The following MPND variants were observed in gnomAD, a reference collection of about 807,000 sequenced individuals.
The protein encoded by MPND is MPN domain containing.
Under a neutral mutation model 59.2 loss-of-function variants are expected in MPND, and 56 were observed. The observed-to-expected ratio is 0.95, with a 90% CI of 0.76 to 1.18. MPND has a LOEUF of 1.18. MPND is among the 50% of genes most tolerant of loss of function. MPND has a pLI of 0.00. For synonymous variants in MPND, 323 were observed against 291.9 expected, an observed-to-expected ratio of 1.11 and a Z score of -1.09; for missense variants, 671 against 676.0, an observed-to-expected ratio of 0.99 and a Z score of 0.08.
In MPND at chr19:4,359,813, CAG is replaced by C. The variant is rs540341901; in HGVS notation, c.1420-102_1420-101del. ...GGACCCCAGCCCTGTGCCTCGGTCT[CAG>C]GGGGGCTCAGTCAGGATGCTGGACT... On this transcript the variant is annotated intron_variant, in intron 12 of 12. Transcript: ENST00000599840. 9.7e-4 allele frequency: 879 copies of C among 903,376 alleles called. 2 individuals carry two copies. Among genetic ancestry groups the C allele is most frequent in the African/African-American group, 2.9e-3 (174 of 59,886 alleles). The allele number at this position is 903,376 out of a possible 1,614,324, so 56.0% of individuals were successfully genotyped here.
intron 8 of MPND, 101 bp from the exon 9 acceptor site, chr19:4,357,152 G>T: frequency 1.5e-6 from 2 of 1,329,576 alleles, no homozygotes; most frequent in Non-Finnish European, 1.0e-6. Flanking sequence ...GTGTCCCCAG[G>T]CCTGATACAC....
At chr19:4,346,485 T>C (rs1972188909) in intron 3 of MPND, among the ~76,000 whole-genome samples, 2 of 152,020 alleles carry the variant, frequency 1.3e-5, no homozygotes, top group South Asian at 4.1e-4. Flanking sequence ...TGCCCCCATC[T>C]TGGCTCACTA....
chr19:4,351,439 A>G (rs752596779), intron 3 of MPND, among the ~76,000 whole-genome samples: 9 of 152,156 alleles, frequency 5.9e-5, no homozygotes, highest in Non-Finnish European at 1.3e-4. Context: ...AAAGCCACCT[A>G]TGTATGGTGC....
chr19:4,354,304 G>T lies in MPND; in HGVS notation c.750-20G>T. On this transcript the variant is annotated intron_variant, in intron 5 of 12. Coordinates refer to ENST00000599840, the MANE Select transcript of MPND (RefSeq NM_001300862.2). The stretch of plus-strand genomic sequence containing the variant: ...AGCCTGGGGATTCCTGAGACTGTGC[G>T]ACCCTCCTGGCCCCTACAGGAACCC... 1.3e-6 allele frequency: 2 copies of T among 1,550,650 alleles called. No homozygotes were observed.
Position 4,358,190 on chromosome 19 carries a change from C to G in MPND, c.1326+18C>G. On this transcript the variant is annotated intron_variant, in intron 11 of 12. Transcript: ENST00000599840. ...ACGAGATGGTGAGCTCGCTGCGGGGCGGGCAGGCAGGGGCTGGCAGTGCGC... is the reference window on the plus strand; with the variant it reads ...ACGAGATGGTGAGCTCGCTGCGGGGGGGGCAGGCAGGGGCTGGCAGTGCGC... 1 of 1,547,926 alleles carries G rather than the reference C, an allele frequency of 6.5e-7. No individual in the cohort carries two copies. The highest frequency in any genetic ancestry group is 8.7e-7 in the Non-Finnish European group (1 of 1,144,500).
chr19:4,351,787 G>A (rs1203749322), intron 3 of MPND, among the ~76,000 whole-genome samples: 1 of 150,706 alleles, frequency 6.6e-6, no homozygotes, highest in Non-Finnish European at 1.5e-5. Context: ...ACTTGAACCC[G>A]GGAGGTGGAG....
intron 3 of MPND, among the ~76,000 whole-genome samples, chr19:4,351,293 G>A (rs1972310183): frequency 6.6e-6 from 1 of 151,836 alleles, no homozygotes; most frequent in Non-Finnish European, 1.5e-5. Flanking sequence ...TAGTAGAGAT[G>A]GGGTTTCACC....
chr19:4,359,556 C>T (rs113195632), intron 12 of MPND, among the ~76,000 whole-genome samples: 1 of 152,182 alleles, frequency 6.6e-6, no homozygotes, highest in East Asian at 1.9e-4. Flanking sequence ...GTAGTGGTTC[C>T]TGGTTTCCCT....
At chr19:4,345,257 G>C (rs1052439309) in intron 2 of MPND, among the ~76,000 whole-genome samples, 6 of 151,390 alleles carry the variant, frequency 4.0e-5, no homozygotes, top group African/African-American at 1.5e-4. Context: ...ATGTTGGCCA[G>C]GCTGGTCTCA....
intron 11 of MPND, chr19:4,358,475 G>A (rs952253411): frequency 3.1e-5 from 12 of 393,330 alleles, no homozygotes; most frequent in Non-Finnish European, 5.6e-5. Context: ...TAAAAATTGT[G>A]TGTTCAACAT....
At chr19:4,352,844 G>A (rs898207177) in intron 3 of MPND, 53 bp from the exon 4 acceptor site, 5 of 1,312,876 alleles carry the variant, frequency 3.8e-6, no homozygotes, top group Non-Finnish European at 4.9e-6. Flanking sequence ...CAGGGAGCGG[G>A]GGGGCACCCA....
At chr19:4,352,176 GAAA>G (rs969763345) in intron 3 of MPND, among the ~76,000 whole-genome samples, 4 of 140,576 alleles carry the variant, frequency 2.8e-5, no homozygotes, top group Non-Finnish European at 6.3e-5. Flanking sequence ...GTGTCTCAAA[GAAA>G]AAAAAAAAGA....
rs753357908 is a variant in MPND at position 4,354,119 on chromosome 19, G to T, written c.739G>T (p.Asp247Tyr). 1 of 1,611,862 alleles carries T rather than the reference G, an allele frequency of 6.2e-7. No homozygotes were observed. The highest frequency in any genetic ancestry group is 8.5e-7 in the Non-Finnish European group (1 of 1,178,190). The change falls in exon 5 of 13, where the codon GAC becomes TAC. Residue 247 changes from aspartate (D) to tyrosine (Y), a missense_variant. Transcript: ENST00000599840. ...PVRYCMLGSR[D>Y]LARNPHTLVE... is the part of the protein sequence containing the mutation. Reference sequence around the variant, plus strand: ...CCGCTACTGCATGCTGGGCAGCCGCGACTTGGCCAGGTCAGACTCACCCCA... The same window carrying T: ...CCGCTACTGCATGCTGGGCAGCCGCTACTTGGCCAGGTCAGACTCACCCCA...
At position 4,354,108 on chromosome 19, in the gene MPND, T is replaced by C. The variant is rs376592703; in HGVS notation, c.728T>C (p.Leu243Pro). ...KIRVPVRYCM[L>P]GSRDLARNPH... ...CGGGTTCCGGTCCGCTACTGCATGC[T>C]GGGCAGCCGCGACTTGGCCAGGTCA... The change falls in exon 5 of 13, where the codon CTG becomes CCG. Residue 243 changes from leucine to proline, a missense_variant. Transcript: ENST00000599840. The C allele has an allele frequency of 1.9e-6, 3 of 1,612,532 alleles. No individual in the cohort carries two copies. Among genetic ancestry groups the C allele is most frequent in the East Asian group, 2.2e-5 (1 of 44,806 alleles).
chr19:4,355,805 AC>A (rs1462959907), intron 8 of MPND, among the ~76,000 whole-genome samples: 1 of 146,362 alleles, frequency 6.8e-6, no homozygotes, highest in African/African-American at 2.5e-5. Context: ...TGATCTGCCC[AC>A]CTCGGTCTCC....
intron 3 of MPND, among the ~76,000 whole-genome samples, chr19:4,351,751 A>G (rs1403333534): frequency 6.6e-6 from 1 of 150,746 alleles, no homozygotes; most frequent in Non-Finnish European, 1.5e-5. Flanking sequence ...AATCCCAGCT[A>G]CTCGGGAGGC....
Position 4,343,567 on chromosome 19 carries a change from G to C in MPND, c.-27G>C, listed in dbSNP as rs756612665. On this transcript the variant is annotated 5_prime_UTR_variant, in exon 1 of 13. Coordinates refer to ENST00000599840, the MANE Select transcript of MPND (RefSeq NM_001300862.2). ...TGACGTGCCGGGAAGCCGGAGTCTA[G>C]AGCTCCGGGCGCGGGGAGGCGCGGC... 1.6e-5 allele frequency: 19 copies of C among 1,221,922 alleles called. No homozygotes were observed. In the South Asian group the frequency reaches 7.0e-4, roughly 45 times the overall value. The allele number at this position is 1,221,922 out of a possible 1,614,324, so 75.7% of individuals were successfully genotyped here.
intron 3 of MPND, 54 bp from the exon 4 acceptor site, chr19:4,352,843 G>GGT: frequency 1.5e-6 from 2 of 1,312,490 alleles, no homozygotes; most frequent in Non-Finnish European, 2.0e-6. Context: ...GCAGGGAGCG[G>GGT]GGGGGCACCC....
At chr19:4,343,629 C>CGGGACGCGGGGCTGCA (rs1972116320) in intron 1 of MPND, 29 bp downstream of exon 1, 1 of 1,187,114 alleles carries the variant, frequency 8.4e-7, no homozygotes, top group Non-Finnish European at 1.0e-6. Context: ...GGCGGAGGCG[C>CGGGACGCGGGGCTGCA]GGGGCGCGGG....
Sources: gnomAD v4.1 joint callset for allele counts (sites outside exome capture counted in the v4.1 genomes callset) on GRCh38, gnomAD v4.1.1 for gene constraint, MANE v1.5 for transcripts, NCBI Gene and HGNC (gene_info 2026-07-23, HGNC 2026-07-21) for gene names.